Variants in VCAM1 observed in about 807,000 individuals in gnomAD.
The protein encoded by VCAM1 is vascular cell adhesion molecule 1.
Under a neutral mutation model 63.8 loss-of-function variants are expected in VCAM1, and 41 were observed. The ratio of observed to expected loss-of-function variants is 0.64; its 90% CI spans 0.50 to 0.83. The LOEUF (loss-of-function observed/expected upper bound fraction) is 0.83. VCAM1 is among the 40% of genes least tolerant of loss of function. The pLI is 0.00. For missense variants in VCAM1, 798 were observed against 875.5 expected (o/e 0.91, Z 1.12); for synonymous variants, 338 against 320.7 (o/e 1.05, Z -0.58).
intron 2 of VCAM1, 79 bp downstream of exon 2, chr1:100,720,830 G>T: frequency 6.9e-7 from 1 of 1,459,596 alleles, no homozygotes; most frequent in Non-Finnish European, 9.2e-7. Flanking sequence ...TTTAAAAAAA[G>T]TTTTAAAATG....
chr1:100,720,687 T>C lies in VCAM1; in HGVS notation c.276T>C (p.Ser92=). The C allele has an allele frequency of 6.2e-7, 1 of 1,613,244 alleles. No individual in the cohort carries two copies. Among genetic ancestry groups the C allele is most frequent in the Non-Finnish European group, 8.5e-7 (1 of 1,179,466 alleles). The change falls in exon 2 of 9, where the codon TCT becomes TCC. Residue 92 remains serine, a synonymous_variant. Transcript: ENST00000294728. ...MNPVSFGNEH[S]YLCTATCESR... ...CTGTTAGTTTTGGGAACGAACACTC[T>C]TACCTGTGCACAGCAACTTGTGAAT...
At position 100,738,226 on chromosome 1, in the gene VCAM1, A is replaced by G. The variant is rs1660729204; in HGVS notation, c.2163A>G (p.Arg721=). ...TTGGAATGATAATTTACTTTGCAAGAAAAGCCAACATGAAGGGGTCATATA... is the reference window on the plus strand; with the variant it reads ...TTGGAATGATAATTTACTTTGCAAGGAAAGCCAACATGAAGGGGTCATATA... ...PAIGMIIYFA[R]KANMKGSYSL... The change falls in exon 9 of 9, where the codon AGA becomes AGG. Residue 721 remains arginine (R), a synonymous_variant. Coordinates refer to ENST00000294728, the MANE Select transcript of VCAM1 (RefSeq NM_001078.4). 6.2e-7 allele frequency: 1 copy of G among 1,613,710 alleles called. No homozygotes were observed. Among genetic ancestry groups the G allele is most frequent in the South Asian group, 1.1e-5 (1 of 91,054 alleles).
Position 100,734,706 on chromosome 1 carries a change from A to G in VCAM1, c.1997A>G (p.Tyr666Cys). 6.2e-7 allele frequency: 1 copy of G among 1,614,016 alleles called. No homozygotes were observed. The highest frequency in any genetic ancestry group is 8.5e-7 in the Non-Finnish European group (1 of 1,179,892). ...GCCCAGTTGAAGGATGCGGGAGTAT[A>G]TGAATGTGAATCTAAAAACAAAGTT... ...RKAQLKDAGV[Y>C]ECESKNKVGS... Residue 666 changes from tyrosine (Y) to cysteine (C), a missense_variant, in exon 8 of 9, where the codon TAT becomes TGT. By Grantham distance (194) the Tyr-to-Cys change is radical. Coordinates refer to ENST00000294728, the MANE Select transcript of VCAM1 (RefSeq NM_001078.4).
chr1:100,731,091 C>G lies in VCAM1; in HGVS notation c.1205-107C>G. 1 of 971,774 alleles carries G rather than the reference C, an allele frequency of 1.0e-6. No individual in the cohort carries two copies. The highest frequency in any genetic ancestry group is 1.5e-6 in the Non-Finnish European group (1 of 666,784). 60.2% of individuals were successfully genotyped at this position (971,774 alleles called of 1,614,324 possible). A position where few individuals can be genotyped will look rare whatever the true frequency, so the allele number is the denominator to read the frequency against. Reference sequence around the variant, plus strand: ...CTTATATATTGACAGTCATTCTATCCCAGGTGACTTAAAGCTGTCATTTTT... The same window carrying G: ...CTTATATATTGACAGTCATTCTATCGCAGGTGACTTAAAGCTGTCATTTTT... On this transcript the variant is annotated intron_variant, in intron 5 of 8. Coordinates refer to ENST00000294728, the MANE Select transcript of VCAM1 (RefSeq NM_001078.4). The surrounding 1 kb of genome is among the most constrained non-coding windows in gnomAD (Gnocchi z 4.2).
At chr1:100,736,050 G>A (rs989010061) in intron 8 of VCAM1, 2 of 152,070 alleles carry the variant, frequency 1.3e-5, no homozygotes, top group Non-Finnish European at 2.9e-5. Context: ...CTTTAATTAA[G>A]CCTAGCCCTG....
intron 2 of VCAM1, among the ~76,000 whole-genome samples, chr1:100,722,238 A>G (rs1160131307): frequency 6.6e-6 from 1 of 152,066 alleles, no homozygotes; most frequent in Non-Finnish European, 1.5e-5. Context: ...ATTTCCTTGT[A>G]CTAGAAGCTT....
intron 4 of VCAM1, among the ~76,000 whole-genome samples, chr1:100,727,043 C>CTGTGTGTGTGTGTGTG (rs57979614): frequency 3.0e-4 from 44 of 147,802 alleles, no homozygotes; most frequent in East Asian, 8.0e-4. Flanking sequence ...ATCAGGAATT[C>CTGTGTGTGTGTGTGTG]TGTGTGTGTG....
intron 2 of VCAM1, among the ~76,000 whole-genome samples, chr1:100,722,591 TAG>T (rs528140306): frequency 9.2e-5 from 14 of 152,166 alleles, no homozygotes; most frequent in Non-Finnish European, 1.9e-4. Context: ...TACCATTTAC[TAG>T]GTGTGTGACC....
At chr1:100,722,016 C>T (rs1247914071) in intron 2 of VCAM1, among the ~76,000 whole-genome samples, 1 of 152,084 alleles carries the variant, frequency 6.6e-6, no homozygotes, top group Admixed American at 6.6e-5. Context: ...TTTTAATTAT[C>T]TTGCCTGAGG....
intron 5 of VCAM1, among the ~76,000 whole-genome samples, chr1:100,730,249 C>T (rs1660391423): frequency 6.6e-6 from 1 of 151,934 alleles, no homozygotes; most frequent in African/African-American, 2.4e-5. Flanking sequence ...TGGGTCTCTC[C>T]AAAGAAAGAT....
chr1:100,724,717 C>T lies in VCAM1; in HGVS notation c.755C>T (p.Pro252Leu). The change falls in exon 4 of 9, where the codon CCA (proline) becomes CTA (leucine). Residue 252 changes from proline (P) to leucine (L), a missense_variant. Coordinates refer to ENST00000294728, the MANE Select transcript of VCAM1 (RefSeq NM_001078.4). ...VTMTCSSEGL[P>L]APEIFWSKKL... The stretch of plus-strand genomic sequence containing the variant: ...ATGACCTGTTCCAGCGAGGGTCTAC[C>T]AGCTCCAGAGATTTTCTGGAGTAAG... 1 of 1,613,064 alleles carries T rather than the reference C, an allele frequency of 6.2e-7. No individual in the cohort carries two copies. The highest frequency in any genetic ancestry group is 1.1e-5 in the South Asian group (1 of 91,054).
In VCAM1 at chr1:100,734,508, C is replaced by G. The variant is rs745936061; in HGVS notation, c.1799C>G (p.Pro600Arg). ...KEVELIIQVT[P>R]KDIKLTAFPS... is the part of the protein sequence containing the mutation. ...TTTTAAATTCTCTTTACAGTTACTC[C>G]AAAAGACATAAAACTTACAGCTTTT... Residue 600 changes from proline (P) to arginine (R), a missense_variant, in exon 8 of 9, where the codon CCA becomes CGA. By Grantham distance (103) the Pro-to-Arg change is moderately radical. Transcript: ENST00000294728. 6.2e-7 allele frequency: 1 copy of G among 1,611,778 alleles called. No homozygotes were observed. The highest frequency in any genetic ancestry group is 1.1e-5 in the South Asian group (1 of 90,674).
At chr1:100,722,830 A>G (rs1466657348) in intron 2 of VCAM1, among the ~76,000 whole-genome samples, 190 bp from the exon 3 acceptor site, 1 of 152,092 alleles carries the variant, frequency 6.6e-6, no homozygotes, top group Non-Finnish European at 1.5e-5. Flanking sequence ...ATAATGTTGT[A>G]AAAAATGTTT....
intron 4 of VCAM1, 75 bp from the exon 5 acceptor site, chr1:100,729,032 A>T: frequency 7.0e-7 from 1 of 1,432,794 alleles, no homozygotes; most frequent in Non-Finnish European, 9.2e-7. Context: ...AAAAATAAAG[A>T]TCATATGTCA....
chr1:100,724,742 G>A lies in VCAM1; in HGVS notation c.780G>A (p.Lys260=). ...GLPAPEIFWS[K]KLDNGNLQHL... Reference sequence around the variant, plus strand: ...CAGCTCCAGAGATTTTCTGGAGTAAGAAATTAGATAATGGGAATCTACAGC... The same window carrying A: ...CAGCTCCAGAGATTTTCTGGAGTAAAAAATTAGATAATGGGAATCTACAGC... The change falls in exon 4 of 9, where the codon AAG becomes AAA. Residue 260 remains lysine, a synonymous_variant. Coordinates refer to ENST00000294728, the MANE Select transcript of VCAM1 (RefSeq NM_001078.4). 6.2e-7 allele frequency: 1 copy of A among 1,613,028 alleles called. No homozygotes were observed. The highest frequency in any genetic ancestry group is 8.5e-7 in the Non-Finnish European group (1 of 1,179,460).
chr1:100,723,039 G>A lies in VCAM1; in HGVS notation c.360G>A (p.Glu120=), dbSNP rs1009042927. ...VEIYSFPKDP[E]IHLSGPLEAG... is the part of the protein sequence containing the mutation. ...TTTCAGCTTTTCCTAAGGATCCAGA[G>A]ATTCATTTGAGTGGCCCTCTGGAGG... Residue 120 remains glutamate (E), a synonymous_variant, in exon 3 of 9, where the codon GAG becomes GAA. Coordinates refer to ENST00000294728, the MANE Select transcript of VCAM1 (RefSeq NM_001078.4). 2 of 1,610,952 alleles carry A rather than the reference G, an allele frequency of 1.2e-6. No individual in the cohort carries two copies. Among genetic ancestry groups the A allele is most frequent in the African/African-American group, 1.3e-5 (1 of 74,920 alleles).
intron 2 of VCAM1, among the ~76,000 whole-genome samples, chr1:100,721,214 T>C (rs1289025704): frequency 1.3e-5 from 2 of 152,138 alleles, no homozygotes; most frequent in African/African-American, 4.8e-5. Flanking sequence ...ATTAGTAATA[T>C]GTATTAGTAT....
At position 100,723,431 on chromosome 1, in the gene VCAM1, A is replaced by C. The variant is rs571656362; in HGVS notation, c.661+91A>C. On this transcript the variant is annotated intron_variant, in intron 3 of 8. Transcript: ENST00000294728. ...ACTTAGCAGAAAAGTAAAAAAAAAA[A>C]AAACTTGTATATAGTTTGTATTCCA... is the stretch of plus-strand genomic sequence containing the variant. 3.5e-5 allele frequency: 47 copies of C among 1,335,232 alleles called. No homozygotes were observed. In the African/African-American group the frequency reaches 4.2e-4, roughly 12 times the overall value. The allele number at this position is 1,335,232 out of a possible 1,614,324, so 82.7% of individuals were successfully genotyped here.
chr1:100,722,781 A>G (rs1160512270), intron 2 of VCAM1, among the ~76,000 whole-genome samples: 1 of 152,082 alleles, frequency 6.6e-6, no homozygotes, highest in Admixed American at 6.6e-5. Flanking sequence ...TTTTACTGTA[A>G]TAACATGCAA....
Sources: gnomAD v4.1 joint callset for allele counts (sites outside exome capture counted in the v4.1 genomes callset) on GRCh38, gnomAD v4.1.1 for gene constraint, Gnocchi (gnomAD v3.1) non-coding constraint, MANE v1.5 for transcripts, NCBI Gene and HGNC (gene_info 2026-07-23, HGNC 2026-07-21) for gene names.